The following MCUB variants were observed in gnomAD, a reference collection of about 807,000 sequenced individuals.
MCUB encodes the protein mitochondrial calcium uniporter dominant negative subunit beta.
Under a neutral mutation model 41.4 loss-of-function variants are expected in MCUB, and 46 were observed. That is an observed-to-expected ratio of 1.11 (90% CI 0.88 to 1.42). The LOEUF (loss-of-function observed/expected upper bound fraction) is 1.42. Ranked by LOEUF, MCUB falls within the 40% of genes most tolerant of loss-of-function variation. The pLI is 0.00. For synonymous variants in MCUB, 148 were observed against 148.2 expected, an observed-to-expected ratio of 1.00 and a Z score of 0.01; for missense variants, 403 against 404.9, an observed-to-expected ratio of 1.00 and a Z score of 0.04.
intron 1 of MCUB, among the ~76,000 whole-genome samples, chr4:109,655,626 A>T (rs957393316): frequency 6.6e-6 from 1 of 152,202 alleles, no homozygotes; most frequent in South Asian, 2.1e-4. Context: ...AGCCCAAATC[A>T]TCTTTTGCCC....
At chr4:109,613,622 T>C (rs939238427) in intron 1 of MCUB, among the ~76,000 whole-genome samples, 2 of 152,320 alleles carry the variant, frequency 1.3e-5, no homozygotes, top group South Asian at 2.1e-4. Flanking sequence ...TCATTTGTTA[T>C]GTAATCATGG....
intron 1 of MCUB, among the ~76,000 whole-genome samples, chr4:109,625,228 G>C (rs935792084): frequency 6.6e-6 from 1 of 152,080 alleles, no homozygotes; most frequent in Non-Finnish European, 1.5e-5. Flanking sequence ...AACAAGTATC[G>C]ATGCCCCAGT....
At chr4:109,638,162 C>T (rs759887345) in intron 1 of MCUB, among the ~76,000 whole-genome samples, 9 of 151,996 alleles carry the variant, frequency 5.9e-5, no homozygotes, top group Non-Finnish European at 1.3e-4. Context: ...TTGAGACAAA[C>T]GTGGGCAACA....
chr4:109,638,026 TG>T (rs1476218953), intron 1 of MCUB, among the ~76,000 whole-genome samples: 1 of 152,184 alleles, frequency 6.6e-6, no homozygotes, highest in African/African-American at 2.4e-5. Context: ...CAACATTTTT[TG>T]TTTGTTTTGT....
chr4:109,596,388 AGAG>A (rs373702742), intron 1 of MCUB, among the ~76,000 whole-genome samples: 2,468 of 139,160 alleles, frequency 0.018, 72 homozygotes, highest in African/African-American at 0.065. Context: ...CTCAGGGAGA[AGAG>A]GAGGCAGCAA....
intron 1 of MCUB, among the ~76,000 whole-genome samples, chr4:109,620,586 A>G (rs1192511729): frequency 6.6e-6 from 1 of 151,272 alleles, no homozygotes; most frequent in Non-Finnish European, 1.5e-5. Flanking sequence ...TAATCTCATG[A>G]ATGTATAAAT....
At chr4:109,677,060 T>A (rs1015444394) in intron 4 of MCUB, among the ~76,000 whole-genome samples, 9 of 152,254 alleles carry the variant, frequency 5.9e-5, no homozygotes, top group African/African-American at 2.2e-4. Context: ...GGGGCAGGAC[T>A]GCCCAAGATT....
intron 1 of MCUB, among the ~76,000 whole-genome samples, chr4:109,566,749 C>A (rs1579040915): frequency 6.6e-6 from 1 of 152,326 alleles, no homozygotes; most frequent in East Asian, 1.9e-4. Flanking sequence ...TGAATGACTT[C>A]AGCTAAGTTC....
At chr4:109,643,999 C>A (rs1050223659) in intron 1 of MCUB, among the ~76,000 whole-genome samples, 4 of 151,970 alleles carry the variant, frequency 2.6e-5, no homozygotes. Flanking sequence ...CCTCGCTGAA[C>A]CTATTCTGGT....
intron 1 of MCUB, among the ~76,000 whole-genome samples, chr4:109,563,108 A>C (rs548826091): frequency 9.8e-5 from 15 of 152,314 alleles, no homozygotes; most frequent in Non-Finnish European, 2.2e-4. Flanking sequence ...ACAAAGACTC[A>C]GCTTTGAGTA....
intron 1 of MCUB, among the ~76,000 whole-genome samples, chr4:109,561,998 G>C (rs968555907): frequency 6.6e-6 from 1 of 152,124 alleles, no homozygotes; most frequent in African/African-American, 2.4e-5. Context: ...TGATCCGCCC[G>C]TCTCAGCCCC....
intron 1 of MCUB, among the ~76,000 whole-genome samples, chr4:109,657,529 G>A (rs1025827919): frequency 1.3e-5 from 2 of 152,026 alleles, no homozygotes; most frequent in East Asian, 1.9e-4. Context: ...CACAATTACT[G>A]GCAAACTTAT....
intron 1 of MCUB, among the ~76,000 whole-genome samples, chr4:109,608,087 T>G (rs1040514563): frequency 1.3e-5 from 2 of 152,158 alleles, no homozygotes; most frequent in African/African-American, 4.8e-5. Context: ...AAATTCTCTT[T>G]TCTCTTATCT....
At chr4:109,581,783 T>C (rs1002230402) in intron 1 of MCUB, among the ~76,000 whole-genome samples, 4 of 152,250 alleles carry the variant, frequency 2.6e-5, no homozygotes, top group East Asian at 1.9e-4. Context: ...AAAAAATGCT[T>C]ATCATCACTG....
At position 109,581,984 on chromosome 4, in the gene MCUB, A is replaced by T. The variant is rs1043225415; in HGVS notation, c.99+21548A>T. ...AAGTCAGTGTGGCGATTCCTCAGGG[A>T]TCTAGAACTAGAAATACCATTTGAC... On this transcript the variant is annotated intron_variant, in intron 1 of 7. Coordinates refer to ENST00000394650, the MANE Select transcript of MCUB (RefSeq NM_017918.5). 6.1e-3 allele frequency among the ~76,000 whole-genome samples: 934 copies of T among 152,272 alleles called. 6 individuals carry two copies. The highest frequency in any genetic ancestry group is 9.5e-3 in the Non-Finnish European group (646 of 68,018).
intron 5 of MCUB, among the ~76,000 whole-genome samples, chr4:109,683,679 T>C (rs1261008405): frequency 6.6e-6 from 1 of 152,224 alleles, no homozygotes; most frequent in Non-Finnish European, 1.5e-5. Flanking sequence ...TCTCTCCTTA[T>C]TGGCACAGAG....
chr4:109,615,405 A>ATTT (rs1352281924), intron 1 of MCUB, among the ~76,000 whole-genome samples: 1 of 141,724 alleles, frequency 7.1e-6, no homozygotes. Context: ...ATAGATGTGA[A>ATTT]TTTTTTTTTT....
intron 1 of MCUB, among the ~76,000 whole-genome samples, chr4:109,581,290 C>A (rs1727168085): frequency 6.6e-6 from 1 of 152,132 alleles, no homozygotes; most frequent in African/African-American, 2.4e-5. Context: ...GAAAGGATTC[C>A]CTATTTAATA....
intron 1 of MCUB, among the ~76,000 whole-genome samples, chr4:109,589,418 G>A (rs551228232): frequency 1.5e-4 from 23 of 152,202 alleles, no homozygotes; most frequent in Admixed American, 3.9e-4. Context: ...AGTGCTTCCC[G>A]TCTCTCTGCA....
Sources: allele counts gnomAD v4.1 joint callset (sites outside exome capture counted in the v4.1 genomes callset), GRCh38; gene constraint gnomAD v4.1.1; transcripts MANE v1.5; gene names NCBI Gene and HGNC (gene_info 2026-07-23, HGNC 2026-07-21).